Variants in DYSF observed in about 807,000 individuals in gnomAD.
The protein encoded by DYSF is dystrophy-associated fer-1-like 1.
A neutral mutation model predicts 274.9 loss-of-function variants in DYSF; 212 were observed. The observed-to-expected ratio is 0.77, with a 90% CI of 0.69 to 0.86. The LOEUF is 0.86. DYSF is among the 40% of genes least tolerant of loss of function. The pLI is 0.00. For missense variants in DYSF, 2,666 were observed against 2,783.2 expected (o/e 0.96, Z 0.95); for synonymous variants, 1,091 against 1,078.7 (o/e 1.01, Z -0.22).
At chr2:71,585,701 C>T (rs2093043039) in intron 30 of DYSF, among the ~76,000 whole-genome samples, 1 of 152,164 alleles carries the variant, frequency 6.6e-6, no homozygotes, top group Admixed American at 6.5e-5. Flanking sequence ...TTCGTGAGTT[C>T]ACTCACTTGT....
chr2:71,555,716 TGA>T (rs1221377811), intron 21 of DYSF, among the ~76,000 whole-genome samples: 1 of 152,144 alleles, frequency 6.6e-6, no homozygotes, highest in Non-Finnish European at 1.5e-5. Flanking sequence ...AGACACCCCC[TGA>T]GCTCCTCATG....
chr2:71,653,633 G>A (rs1335531963), intron 42 of DYSF, among the ~76,000 whole-genome samples: 3 of 135,412 alleles, frequency 2.2e-5, no homozygotes, highest in African/African-American at 5.5e-5. Flanking sequence ...ACACAGGAAG[G>A]GGAACATCAC....
intron 52 of DYSF, among the ~76,000 whole-genome samples, chr2:71,674,588 A>G (rs1322784715): frequency 6.6e-6 from 1 of 152,226 alleles, no homozygotes; most frequent in Non-Finnish European, 1.5e-5. Flanking sequence ...CGAGGGACGC[A>G]AGTGTGTGCT....
intron 5 of DYSF, 121 bp downstream of exon 5, chr2:71,512,042 G>T: frequency 1.4e-6 from 1 of 729,274 alleles, no homozygotes; most frequent in Non-Finnish European, 2.5e-6. Flanking sequence ...CAGGTTGGAG[G>T]CTGCCCAGGC....
intron 26 of DYSF, 127 bp from the exon 27 acceptor site, chr2:71,569,693 C>G: frequency 1.3e-6 from 1 of 778,828 alleles, no homozygotes; most frequent in Non-Finnish European, 2.2e-6. Context: ...TCCCTCCCCA[C>G]CCCCCATGTC....
At chr2:71,599,805 CAG>C (rs1033920660) in intron 33 of DYSF, among the ~76,000 whole-genome samples, 6 of 152,136 alleles carry the variant, frequency 3.9e-5, no homozygotes, top group African/African-American at 1.4e-4. Flanking sequence ...GTGTGGTGAA[CAG>C]GGGTGGGGGA....
In DYSF at chr2:71,503,263, A is replaced by C. The variant is rs762400168; in HGVS notation, c.289A>C (p.Ser97Arg). 2.1e-5 allele frequency: 34 copies of C among 1,613,900 alleles called. No homozygotes were observed. The highest frequency in any genetic ancestry group is 2.9e-5 in the Non-Finnish European group (34 of 1,179,968). The change falls in exon 4 of 56, where the codon AGT becomes CGT. Residue 97 changes from serine to arginine, a missense_variant. This residue lies in a region of DYSF where 794 missense variants were observed against 777.1 expected (regional missense o/e 1.02). Transcript: ENST00000410020. ...VPLREVLATP[S>R]LSASFNAPLL... is the part of the protein sequence containing the mutation. Reference sequence around the variant, plus strand: ...ACTCCGAGAGGTCCTCGCCACCCCTAGTCTGTCCGCCAGCTTCAATGCCCC... The same window carrying C: ...ACTCCGAGAGGTCCTCGCCACCCCTCGTCTGTCCGCCAGCTTCAATGCCCC...
intron 14 of DYSF, among the ~76,000 whole-genome samples, chr2:71,533,124 A>T (rs2088935969): frequency 6.6e-6 from 1 of 152,128 alleles, no homozygotes; most frequent in Non-Finnish European, 1.5e-5. Flanking sequence ...GATTCAGGCA[A>T]TTCTGATGCC....
chr2:71,663,797 G>C (rs972040669), intron 45 of DYSF, among the ~76,000 whole-genome samples: 1 of 152,098 alleles, frequency 6.6e-6, no homozygotes, highest in East Asian at 1.9e-4. Context: ...TCCAGTCATC[G>C]GTAAATTCCA....
chr2:71,516,332 G>GCACA, intron 9 of DYSF, 90 bp downstream of exon 9: 6 of 1,259,334 alleles, frequency 4.8e-6, no homozygotes, highest in Non-Finnish European at 6.9e-6. Context: ...GCACGTGTGT[G>GCACA]CATGTGCACG....
intron 41 of DYSF, among the ~76,000 whole-genome samples, chr2:71,625,707 CAG>C (rs1469288709): frequency 6.6e-6 from 1 of 152,062 alleles, no homozygotes; most frequent in African/African-American, 2.4e-5. Flanking sequence ...AGATTTGTGA[CAG>C]AGTTATAGTG....
In DYSF at chr2:71,656,307, G is replaced by A. The variant is rs199538207; in HGVS notation, c.4755+17G>A. On this transcript the variant is annotated intron_variant, in intron 43 of 55. Transcript: ENST00000410020. The stretch of plus-strand genomic sequence containing the variant: ...GAATTTAAGGTAAATCCTCGAAGAC[G>A]TCCCTAACCCAGGTGGGCCTAAGAC... 9.3e-6 allele frequency: 15 copies of A among 1,613,410 alleles called. No individual in the cohort carries two copies. The highest frequency in any genetic ancestry group is 1.8e-4 in the Middle Eastern group (1 of 5,668).
rs1400538817 is a variant in DYSF at position 71,481,906 on chromosome 2, C to T, written c.175C>T (p.Pro59Ser). Residue 59 changes from proline (P) to serine (S), a missense_variant, in exon 3 of 56, where the codon CCC (proline) becomes TCC (serine). By Grantham distance (74) the Pro-to-Ser change is moderately conservative (BLOSUM62 -1). Around this residue, in one of 3 missense-constraint regions of DYSF, gnomAD observed 794 missense variants for 777.1 expected, o/e 1.02. Transcript: ENST00000410020. ...ATTTGAATGGGACCTCAAGGGCATC[C>T]CCCTGGACCAGGGCTCTGAGCTTCA... ...EGFEWDLKGI[P>S]LDQGSELHVV... The T allele has an allele frequency of 1.2e-6, 2 of 1,614,130 alleles. No individual in the cohort carries two copies. Among genetic ancestry groups the T allele is most frequent in the Non-Finnish European group, 8.5e-7 (1 of 1,180,024 alleles).
intron 16 of DYSF, among the ~76,000 whole-genome samples, chr2:71,535,628 G>A (rs557998554): frequency 6.6e-6 from 1 of 152,238 alleles, no homozygotes; most frequent in South Asian, 2.1e-4. Flanking sequence ...CTCACCATGA[G>A]GACATTCCAG....
chr2:71,578,624 C>T (rs963964518), intron 30 of DYSF, among the ~76,000 whole-genome samples: 1 of 152,182 alleles, frequency 6.6e-6, no homozygotes, highest in Non-Finnish European at 1.5e-5. Flanking sequence ...TGTTGGGAGG[C>T]AGGCCTTGCA....
intron 17 of DYSF, 66 bp from the exon 18 acceptor site, chr2:71,550,975 T>C: frequency 7.0e-7 from 1 of 1,433,668 alleles, no homozygotes; most frequent in Non-Finnish European, 9.8e-7. Context: ...GGTTGGAAGG[T>C]GGCTGGGTGG....
At chr2:71,663,591 G>C (rs2094941132) in intron 45 of DYSF, among the ~76,000 whole-genome samples, 1 of 152,182 alleles carries the variant, frequency 6.6e-6, no homozygotes, top group Non-Finnish European at 1.5e-5. Context: ...CAGGTGCCAG[G>C]CTTGTGTCTC....
At chr2:71,471,158 A>AC (rs965797683) in intron 1 of DYSF, among the ~76,000 whole-genome samples, 2 of 152,226 alleles carry the variant, frequency 1.3e-5, no homozygotes, top group African/African-American at 4.8e-5. Context: ...CAGAAAGGCC[A>AC]TGAGGCAAGA....
At chr2:71,668,725 T>TG in intron 48 of DYSF, 29 bp from the exon 49 acceptor site, 2 of 1,605,416 alleles carry the variant, frequency 1.2e-6, no homozygotes, top group Non-Finnish European at 1.7e-6. Flanking sequence ...ATGAGAAGGG[T>TG]GGGGAGAGAA....
Sources: allele counts gnomAD v4.1 joint callset (sites outside exome capture counted in the v4.1 genomes callset), GRCh38; gene constraint gnomAD v4.1.1; regional missense constraint gnomAD v4.1.1; transcripts MANE v1.5; gene names NCBI Gene and HGNC (gene_info 2026-07-23, HGNC 2026-07-21).